The following FMR1NB variants were observed in gnomAD, a reference collection of about 807,000 sequenced individuals.
FMR1NB encodes FMR1 neighbor.
Under a neutral mutation model 16.8 loss-of-function variants are expected in FMR1NB, and 10 were observed. That is an observed-to-expected ratio of 0.60 (90% CI 0.37 to 1.01). The LOEUF is 1.01. FMR1NB is among the 50% of genes least tolerant of loss of function. FMR1NB has a pLI of 0.01. For missense variants in FMR1NB, 205 were observed against 204.8 expected, an observed-to-expected ratio of 1.00 and a Z score of 0.00; for synonymous variants, 83 against 79.1, an observed-to-expected ratio of 1.05 and a Z score of -0.26.
At chrX:148,012,366 GTC>G (rs2044629632) in intron 4 of FMR1NB, among the ~76,000 whole-genome samples, 1 of 111,940 alleles carries the variant, frequency 8.9e-6, no homozygotes, top group Admixed American at 9.5e-5. Context: ...ACTTGAGTGT[GTC>G]TGTAGCTTTG....
intron 1 of FMR1NB, among the ~76,000 whole-genome samples, chrX:148,000,253 C>A (rs1246433564): frequency 5.4e-5 from 6 of 111,630 alleles, no homozygotes; most frequent in African/African-American, 2.0e-4. Flanking sequence ...CATGAAGAAG[C>A]AAAAGATAAA....
chrX:148,003,439 C>CAAA, intron 2 of FMR1NB, 119 bp downstream of exon 2: 2 of 777,426 alleles, frequency 2.6e-6, no homozygotes, highest in Non-Finnish European at 3.7e-6. Context: ...GAGTTTGAAT[C>CAAA]CTGGCTCTGC....
intron 1 of FMR1NB, 68 bp downstream of exon 1, chrX:147,981,747 G>T (rs2044448952): frequency 2.1e-6 from 2 of 935,329 alleles, no homozygotes; most frequent in South Asian, 2.5e-5. Context: ...AGGGGGGCGG[G>T]GTGTGGCAAC....
At chrX:148,005,921 G>A (rs782197396) in intron 2 of FMR1NB, among the ~76,000 whole-genome samples, 21 of 112,381 alleles carry the variant, frequency 1.9e-4, no homozygotes, top group African/African-American at 6.1e-4. Flanking sequence ...ATTGTTGATA[G>A]TATAAGAGAT....
intron 1 of FMR1NB, among the ~76,000 whole-genome samples, chrX:147,989,476 G>A (rs782129589): frequency 8.9e-6 from 1 of 112,104 alleles, no homozygotes; most frequent in Non-Finnish European, 1.9e-5. Flanking sequence ...GGAGGCACAG[G>A]GGTCAGGGAC....
At chrX:148,019,557 C>T (rs1044568284) in intron 4 of FMR1NB, among the ~76,000 whole-genome samples, 1 of 111,714 alleles carries the variant, frequency 9.0e-6, no homozygotes, top group Admixed American at 9.5e-5. Flanking sequence ...CTTCGGACAG[C>T]TTTCCAGGTG....
rs782204003 is a variant in FMR1NB at position 148,003,333 on chromosome X, T to C, written c.397+13T>C. The C allele has an allele frequency of 5.0e-6, 6 of 1,207,384 alleles. No homozygotes were observed. The highest frequency in any genetic ancestry group is 6.7e-6 in the Non-Finnish European group (6 of 892,616). On this transcript the variant is annotated intron_variant, in intron 2 of 5. Transcript: ENST00000370467. Reference sequence around the variant, plus strand: ...TTCTTTCCAACAAGTAAGTTCTTGTTTGATTTTTTTCCCCCTCTAATGTTC... The same window carrying C: ...TTCTTTCCAACAAGTAAGTTCTTGTCTGATTTTTTTCCCCCTCTAATGTTC...
At chrX:148,018,982 AAAAC>A (rs1194241896) in intron 4 of FMR1NB, among the ~76,000 whole-genome samples, 23 of 111,931 alleles carry the variant, frequency 2.1e-4, no homozygotes, top group African/African-American at 6.2e-4. Flanking sequence ...TTACAAGAAA[AAAAC>A]AAACAACCCC....
chrX:148,002,289 AT>A (rs2044574591), intron 1 of FMR1NB, among the ~76,000 whole-genome samples: 1 of 111,493 alleles, frequency 9.0e-6, no homozygotes, highest in African/African-American at 3.3e-5. Flanking sequence ...AACAAAAGAT[AT>A]TTTGTTTTAT....
chrX:147,993,992 T>G (rs781816054), intron 1 of FMR1NB, among the ~76,000 whole-genome samples: 46 of 111,627 alleles, frequency 4.1e-4, no homozygotes, highest in African/African-American at 1.5e-3. Context: ...AAGTCTCAGA[T>G]GGTTTTCTCA....
intron 1 of FMR1NB, among the ~76,000 whole-genome samples, chrX:147,983,795 A>G (rs1046677002): frequency 1.8e-5 from 2 of 111,887 alleles, no homozygotes; most frequent in Non-Finnish European, 3.8e-5. Flanking sequence ...ATATCTAAGA[A>G]TCCGTTGCCA....
intron 1 of FMR1NB, among the ~76,000 whole-genome samples, chrX:147,990,985 T>C (rs1157980627): frequency 9.1e-6 from 1 of 110,357 alleles, no homozygotes; most frequent in Non-Finnish European, 1.9e-5. Flanking sequence ...ATTTCCTCAA[T>C]CTCCTCCCTT....
intron 4 of FMR1NB, among the ~76,000 whole-genome samples, chrX:148,016,537 C>T (rs782783002): frequency 9.0e-6 from 1 of 111,481 alleles, no homozygotes; most frequent in African/African-American, 3.3e-5. Context: ...TTCTACTTTC[C>T]TTCCTTCCTG....
intron 1 of FMR1NB, among the ~76,000 whole-genome samples, chrX:147,990,560 A>G (rs1340366984): frequency 8.9e-6 from 1 of 111,871 alleles, no homozygotes; most frequent in Non-Finnish European, 1.9e-5. Flanking sequence ...AATCCAGGTA[A>G]TTGAGATATC....
At chrX:147,999,532 T>TC (rs369518802) in intron 1 of FMR1NB, among the ~76,000 whole-genome samples, 22 of 85,563 alleles carry the variant, frequency 2.6e-4, no homozygotes, top group African/African-American at 1.2e-3. Flanking sequence ...CTACTTCTAG[T>TC]CTTTTTTTTT....
At chrX:147,991,994 G>A (rs782794620) in intron 1 of FMR1NB, among the ~76,000 whole-genome samples, 16 of 111,817 alleles carry the variant, frequency 1.4e-4, no homozygotes, top group Admixed American at 1.1e-3. Context: ...CAGATCAACA[G>A]GATCCCAAGG....
chrX:148,009,422 C>G (rs966472964), intron 4 of FMR1NB, among the ~76,000 whole-genome samples: 2 of 110,727 alleles, frequency 1.8e-5, no homozygotes, highest in African/African-American at 6.6e-5. Context: ...GGTCATAAAG[C>G]CTTGATCTGT....
At chrX:148,020,664 G>A (rs1557190529) in intron 4 of FMR1NB, among the ~76,000 whole-genome samples, 2 of 111,786 alleles carry the variant, frequency 1.8e-5, no homozygotes, top group African/African-American at 6.5e-5. Flanking sequence ...CTGGTTCAGG[G>A]TGTATCTAGA....
chrX:147,982,616 G>A (rs1346607187), intron 1 of FMR1NB, among the ~76,000 whole-genome samples: 8 of 98,698 alleles, frequency 8.1e-5, no homozygotes, highest in Non-Finnish European at 1.4e-4. Context: ...AAAAAAGGCC[G>A]GGCGCGGTGG....
Sources: gnomAD v4.1 joint callset for allele counts (sites outside exome capture counted in the v4.1 genomes callset) on GRCh38, gnomAD v4.1.1 for gene constraint, MANE v1.5 for transcripts, NCBI Gene and HGNC (gene_info 2026-07-23, HGNC 2026-07-21) for gene names.